TTC34: variants seen among roughly 807,000 people sequenced by gnomAD.
The protein encoded by TTC34 is tetratricopeptide repeat protein 34.
A neutral mutation model predicts 40.7 loss-of-function variants in TTC34; 44 were observed. The ratio of observed to expected loss-of-function variants is 1.08; its 90% CI spans 0.85 to 1.39. The LOEUF (loss-of-function observed/expected upper bound fraction) is 1.39, where lower values mean the gene tolerates loss of function less well. Among genes scored for constraint, TTC34 ranks in the 40% most tolerant of loss-of-function variants. The pLI, the probability that TTC34 is intolerant of heterozygous loss-of-function variation, is 0.00. For synonymous variants in TTC34, 422 were observed against 398.6 expected, an observed-to-expected ratio of 1.06 and a Z score of -0.70; for missense variants, 884 against 838.0, an observed-to-expected ratio of 1.05 and a Z score of -0.68.
intron 8 of TTC34, 93 bp downstream of exon 8, chr1:2,644,171 T>C: frequency 3.9e-6 from 5 of 1,289,962 alleles, no homozygotes; most frequent in Non-Finnish European, 5.3e-6. Context: ...CCGCAGAGAG[T>C]GAAGAAAGGC....
At chr1:2,652,521 A>T (rs1270357182) in intron 6 of TTC34, among the ~76,000 whole-genome samples, 271 of 6,610 alleles carry the variant, frequency 0.041, no homozygotes, top group Middle Eastern at 0.2. Flanking sequence ...AACAGCACCC[A>T]CACCTCCAGG....
intron 6 of TTC34, among the ~76,000 whole-genome samples, chr1:2,677,932 C>T (rs113988318): frequency 1.0e-4 from 4 of 39,242 alleles, no homozygotes; most frequent in African/African-American, 1.8e-4. Context: ...GCACCCTGCA[C>T]CCCCAGGTGA....
In TTC34 at chr1:2,749,709, G is replaced by T. The variant is rs1482014810; in HGVS notation, c.2226+33900C>A. 4.2e-5 allele frequency among the ~76,000 whole-genome samples: 4 copies of T among 94,260 alleles called. 1 individual carries two copies. Among genetic ancestry groups the T allele is most frequent in the Admixed American group, 1.0e-4 (1 of 9,550 alleles). 61.8% of individuals were successfully genotyped at this position (94,260 alleles called of 152,430 possible). ...CACCCAGGTGAGCATCTGACAGTCTGGAACAGCACGCACAACCCCAGGTGA... is the reference window on the plus strand; with the variant it reads ...CACCCAGGTGAGCATCTGACAGTCTTGAACAGCACGCACAACCCCAGGTGA... On this transcript the variant is annotated intron_variant, in intron 6 of 8. Transcript: ENST00000401095.
exon 9 of TTC34, chr1:2,641,014 G>GT (rs1638888042): frequency 5.5e-6 from 1 of 180,458 alleles, no homozygotes; most frequent in Non-Finnish European, 1.0e-5. Flanking sequence ...GGGAAGCGGG[G>GT]TGTGGGGAGG....
intron 6 of TTC34, chr1:2,774,639 T>C (rs1394167861): frequency 1.5e-5 from 1 of 66,480 alleles, no homozygotes. Flanking sequence ...GGTGAGCATC[T>C]GACAGCCTGG....
chr1:2,755,030 G>C (rs1263962988), intron 6 of TTC34, among the ~76,000 whole-genome samples: 1 of 67,328 alleles, frequency 1.5e-5, no homozygotes, highest in Non-Finnish European at 2.5e-5. Flanking sequence ...ACCCAAGTGA[G>C]CATCTGACAG....
At chr1:2,789,752 C>T (rs1314480379) in exon 3 of TTC34, 2 of 701,552 alleles carry the variant, frequency 2.9e-6, no homozygotes, top group Non-Finnish European at 4.2e-6. Context: ...CCGCAGCAGT[C>T]CCCGGCCGCA....
At chr1:2,759,871 T>TGGAACAGC (rs1641636749) in intron 6 of TTC34, among the ~76,000 whole-genome samples, 1 of 63,156 alleles carries the variant, frequency 1.6e-5, no homozygotes. Context: ...CCTGGAGTAG[T>TGGAACAGC]ATCCTGCACC....
rs563450797 is a variant in TTC34, at chr1:2,782,818, G to A, written c.2226+791C>T. Among the ~76,000 whole-genome samples, 8 of 152,300 alleles carry A rather than the reference G, an allele frequency of 5.3e-5. No homozygotes were observed. The East Asian group carries it at 7.7e-4, about 15-fold the overall frequency. Reference sequence around the variant, plus strand: ...TGGGGAGGTGAAGTGATTCGGCTGCGGTTGCTTAGCTGGACCCAACTCTTC... The same window carrying A: ...TGGGGAGGTGAAGTGATTCGGCTGCAGTTGCTTAGCTGGACCCAACTCTTC... On this transcript the variant is annotated intron_variant, in intron 6 of 8. Coordinates refer to ENST00000401095, the Ensembl canonical transcript of TTC34.
chr1:2,681,943 C>A (rs200528827), intron 6 of TTC34, among the ~76,000 whole-genome samples: 2 of 117,406 alleles, frequency 1.7e-5, no homozygotes, highest in Non-Finnish European at 3.7e-5. Context: ...ACAGCACCAA[C>A]ACCCCAAGGC....
chr1:2,645,174 T>A lies in TTC34; in HGVS notation c.2497+119A>T. 8.1e-7 allele frequency: 1 copy of A among 1,240,750 alleles called. No individual in the cohort carries two copies. The highest frequency in any genetic ancestry group is 1.0e-6 in the Non-Finnish European group (1 of 956,164). 76.9% of individuals were successfully genotyped at this position (1,240,750 alleles called of 1,614,324 possible). A position where few individuals can be genotyped will look rare whatever the true frequency, so the allele number is the denominator to read the frequency against. ...CATGGGATTTGGGGTGGAAGGGACC[T>A]TGGAAGCTGTTGTGGTCCGGGTCTC... On this transcript the variant is annotated intron_variant, in intron 7 of 8. Coordinates refer to ENST00000401095, the Ensembl canonical transcript of TTC34. The surrounding 1 kb of genome is among the most constrained non-coding windows in gnomAD (Gnocchi z 4.7).
intron 2 of TTC34, among the ~76,000 whole-genome samples, chr1:2,794,748 ATCT>A (rs1290166717): frequency 1.3e-5 from 2 of 152,188 alleles, no homozygotes; most frequent in Admixed American, 6.5e-5. Context: ...GATAGATATT[ATCT>A]TTTTCAATTA....
Position 2,760,484 on chromosome 1 carries a change from T to A in TTC34, c.2226+23125A>T, listed in dbSNP as rs1189743663. Among the ~76,000 whole-genome samples the A allele has an allele frequency of 4.0e-4, 9 of 22,700 alleles. 4 individuals carry two copies. Among genetic ancestry groups the A allele is most frequent in the Non-Finnish European group, 4.5e-4 (7 of 15,434 alleles). The allele number at this position is 22,700 out of a possible 152,430, so 14.9% of individuals were successfully genotyped here. On this transcript the variant is annotated intron_variant, in intron 6 of 8. Coordinates refer to ENST00000401095, the Ensembl canonical transcript of TTC34. ...CTGACAGCCTGGAACACCACCCACA[T>A]CCGCAGGTGAGCATCTGACAGCCTG... is the stretch of plus-strand genomic sequence containing the variant.
chr1:2,637,238 G>A (rs1638812203), exon 9 of TTC34: 1 of 152,204 alleles, frequency 6.6e-6, no homozygotes, highest in Admixed American at 6.5e-5. Context: ...ATAGGTACAT[G>A]TAAAATAGGT....
In TTC34 at chr1:2,751,529, C is replaced by T. The variant is rs1255070579; in HGVS notation, c.2226+32080G>A. ...ACAGCCTTGAACAGCACCCTGCACC[C>T]CCAGGTGAGCATCTGACAGCCTGCA... On this transcript the variant is annotated intron_variant, in intron 6 of 8. Coordinates refer to ENST00000401095, the Ensembl canonical transcript of TTC34. 1.7e-5 allele frequency among the ~76,000 whole-genome samples: 2 copies of T among 119,078 alleles called. 1 individual carries two copies. Among genetic ancestry groups the T allele is most frequent in the Non-Finnish European group, 3.4e-5 (2 of 58,854 alleles). 78.1% of individuals were successfully genotyped at this position (119,078 alleles called of 152,430 possible). A position where few individuals can be genotyped will look rare whatever the true frequency, so the allele number is the denominator to read the frequency against.
At chr1:2,643,229 C>G (rs1282123608) in intron 8 of TTC34, among the ~76,000 whole-genome samples, 1 of 152,232 alleles carries the variant, frequency 6.6e-6, no homozygotes, top group African/African-American at 2.4e-5. Flanking sequence ...GGGCCGCCTG[C>G]CGAGGGGCGG....
At chr1:2,651,795 C>A (rs553204603) in intron 6 of TTC34, among the ~76,000 whole-genome samples, 1 of 151,834 alleles carries the variant, frequency 6.6e-6, no homozygotes, top group African/African-American at 2.4e-5. Context: ...GCCGGAAAAA[C>A]ACCCTCCACC....
chr1:2,688,351 C>G (rs1460409283), intron 6 of TTC34, among the ~76,000 whole-genome samples: 2 of 143,246 alleles, frequency 1.4e-5, no homozygotes, highest in Non-Finnish European at 3.0e-5. Context: ...CATCGGACAG[C>G]CTGGAGCAGC....
chr1:2,660,050 C>G (rs1414136373), intron 6 of TTC34, among the ~76,000 whole-genome samples: 99 of 150,626 alleles, frequency 6.6e-4, no homozygotes, highest in Admixed American at 1.3e-3. Flanking sequence ...CATCTGATAG[C>G]CTGGAACAGC....
Sources: allele counts gnomAD v4.1 joint callset (sites outside exome capture counted in the v4.1 genomes callset), GRCh38; gene constraint gnomAD v4.1.1; non-coding constraint Gnocchi (gnomAD v3.1); transcripts MANE v1.5; gene names NCBI Gene and HGNC (gene_info 2026-07-23, HGNC 2026-07-21).